Variants in CCDC158 observed in about 807,000 individuals in gnomAD.
CCDC158 encodes the protein coiled-coil domain-containing protein 158.
In CCDC158, 116 loss-of-function variants were observed where a neutral mutation model predicts 138.6. That is an observed-to-expected ratio of 0.84 (90% confidence interval 0.72 to 0.98). CCDC158 has a LOEUF of 0.98. Ranked by LOEUF, CCDC158 falls within the 50% of genes least tolerant of loss-of-function variation. The pLI, the probability that CCDC158 is intolerant of heterozygous loss-of-function variation, is 0.00. For synonymous variants in CCDC158, 436 were observed against 442.4 expected (o/e 0.99, Z 0.18); for missense variants, 1,265 against 1,306.1 (o/e 0.97, Z 0.48).
Position 76,333,995 on chromosome 4 carries a change from T to G in CCDC158, c.2822+15A>C, listed in dbSNP as rs1272952072. The G allele has an allele frequency of 5.8e-6, 9 of 1,554,490 alleles. No homozygotes were observed. The highest frequency in any genetic ancestry group is 4.1e-5 in the African/African-American group (3 of 73,610). ...AAGAGATGAGCTTTCCCATTCTGTG[T>G]GCACACAGCCTTACACAGCCACATA... On this transcript the variant is annotated intron_variant, in intron 19 of 24. Coordinates refer to ENST00000682701, the MANE Select transcript of CCDC158 (RefSeq NM_001394954.1).
chr4:76,380,514 T>C (rs906639007), intron 8 of CCDC158, among the ~76,000 whole-genome samples: 3 of 152,182 alleles, frequency 2.0e-5, no homozygotes, highest in African/African-American at 7.2e-5. Flanking sequence ...CAGCAAAGCA[T>C]TCAAGATGTC....
intron 12 of CCDC158, among the ~76,000 whole-genome samples, chr4:76,366,440 T>C (rs1724666572): frequency 6.6e-6 from 1 of 152,144 alleles, no homozygotes; most frequent in Admixed American, 6.5e-5. Flanking sequence ...AAGGTGACAT[T>C]AATCCTATGA....
At chr4:76,388,122 G>C (rs1373160203) in intron 4 of CCDC158, among the ~76,000 whole-genome samples, 1 of 152,170 alleles carries the variant, frequency 6.6e-6, no homozygotes, top group Non-Finnish European at 1.5e-5. Flanking sequence ...AGATGTGCTG[G>C]CTTCCGGGGT....
Position 76,421,028 on chromosome 4 carries a change from G to A in CCDC158, c.-180C>T, listed in dbSNP as rs1730080557. ...TCCGCGGGGCGCCGGCGGGCGCAGC[G>A]GCCCCACCTACGTCGACCTGGCGGC... On this transcript the variant is annotated 5_prime_UTR_variant, in exon 1 of 25. Coordinates refer to ENST00000682701, the MANE Select transcript of CCDC158 (RefSeq NM_001394954.1). Among the ~76,000 whole-genome samples, 1 of 151,946 alleles carries A rather than the reference G, an allele frequency of 6.6e-6. No homozygotes were observed. The highest frequency in any genetic ancestry group is 2.4e-5 in the African/African-American group (1 of 41,378).
chr4:76,355,836 TG>T (rs1173787671), intron 14 of CCDC158, among the ~76,000 whole-genome samples: 1 of 143,004 alleles, frequency 7.0e-6, no homozygotes. Context: ...TGTGTAGACA[TG>T]GGGGGTGTCA....
chr4:76,356,019 C>T (rs1269080795), intron 14 of CCDC158, among the ~76,000 whole-genome samples: 1 of 152,100 alleles, frequency 6.6e-6, no homozygotes, highest in Non-Finnish European at 1.5e-5. Flanking sequence ...ACTACCATCT[C>T]AGTAGCCAAA....
chr4:76,385,052 C>T (rs942279234), intron 4 of CCDC158, among the ~76,000 whole-genome samples: 2 of 152,112 alleles, frequency 1.3e-5, no homozygotes, highest in Admixed American at 1.3e-4. Flanking sequence ...CACCACCATC[C>T]AAAACTCCAG....
chr4:76,319,886 C>T (rs140111751), intron 24 of CCDC158, among the ~76,000 whole-genome samples: 23 of 152,140 alleles, frequency 1.5e-4, no homozygotes, highest in South Asian at 2.1e-4. Flanking sequence ...TTGTACAAAA[C>T]GAGGATGCCC....
chr4:76,355,242 A>G (rs1343465303), intron 15 of CCDC158, 82 bp downstream of exon 15: 6 of 870,700 alleles, frequency 6.9e-6, no homozygotes, highest in African/African-American at 1.7e-5. Flanking sequence ...TTGCACTTGC[A>G]TCTCTGCTTC....
intron 12 of CCDC158, 52 bp downstream of exon 12, chr4:76,367,242 C>G: frequency 1.3e-6 from 2 of 1,566,772 alleles, no homozygotes; most frequent in South Asian, 1.2e-5. Context: ...ACAGGTCATA[C>G]CTGCTAATAA....
In CCDC158 at chr4:76,400,393, G is replaced by A. The variant is rs569927710; in HGVS notation, c.70+2745C>T. Among the ~76,000 whole-genome samples the A allele has an allele frequency of 2.8e-4, 41 of 143,900 alleles. No individual in the cohort carries two copies. In the East Asian group the frequency reaches 7.6e-3, roughly 27 times the overall value. 94.4% of individuals were successfully genotyped at this position (143,900 alleles called of 152,430 possible). A position where few individuals can be genotyped will look rare whatever the true frequency, so the allele number is the denominator to read the frequency against. On this transcript the variant is annotated intron_variant, in intron 3 of 24. Coordinates refer to ENST00000682701, the MANE Select transcript of CCDC158 (RefSeq NM_001394954.1). ...CACAGGGTGGGGAACATCACATACC[G>A]GGGCCTGTTGTGGGGTGGGGGGAGG...
chr4:76,383,868 C>G (rs1305796163), intron 6 of CCDC158, 130 bp from the exon 7 acceptor site: 2 of 726,320 alleles, frequency 2.8e-6, no homozygotes, highest in Non-Finnish European at 4.6e-6. Context: ...CATTCTATCC[C>G]CATATTTTAT....
At chr4:76,335,592 T>C (rs1467858793) in intron 18 of CCDC158, among the ~76,000 whole-genome samples, 1 of 152,120 alleles carries the variant, frequency 6.6e-6, no homozygotes, top group East Asian at 1.9e-4. Flanking sequence ...TTTTGTTTTG[T>C]TTTTTGAGAC....
At chr4:76,334,330 C>T (rs1399554895) in intron 18 of CCDC158, among the ~76,000 whole-genome samples, 163 bp from the exon 19 acceptor site, 1 of 151,944 alleles carries the variant, frequency 6.6e-6, no homozygotes, top group Non-Finnish European at 1.5e-5. Flanking sequence ...CAATAATAAC[C>T]AGGAAATAAT....
At chr4:76,337,292 TTTA>T (rs1405386199) in intron 18 of CCDC158, among the ~76,000 whole-genome samples, 2 of 152,152 alleles carry the variant, frequency 1.3e-5, no homozygotes, top group Non-Finnish European at 2.9e-5. Context: ...CGATTTAAAT[TTTA>T]TTTAGTCAAA....
intron 22 of CCDC158, 96 bp from the exon 23 acceptor site, chr4:76,326,111 C>T (rs1720510102): frequency 2.0e-6 from 2 of 1,003,230 alleles, no homozygotes; most frequent in African/African-American, 3.3e-5. Flanking sequence ...GAAAATGTTC[C>T]CAATGGTGGA....
At chr4:76,411,293 G>A (rs560169713) in intron 2 of CCDC158, among the ~76,000 whole-genome samples, 10 of 152,050 alleles carry the variant, frequency 6.6e-5, no homozygotes, top group Middle Eastern at 3.4e-3. Flanking sequence ...TCCCAGCTAC[G>A]TGGAAGGGTG....
intron 4 of CCDC158, among the ~76,000 whole-genome samples, chr4:76,390,044 A>G (rs1045174637): frequency 7.9e-5 from 12 of 152,200 alleles, no homozygotes; most frequent in South Asian, 2.1e-4. Flanking sequence ...CTCATTGGTA[A>G]TAGTAAGCAC....
intron 20 of CCDC158, 122 bp downstream of exon 20, chr4:76,332,310 C>T (rs10518146): frequency 0.014 from 9,772 of 708,360 alleles, 79 homozygotes; most frequent in Non-Finnish European, 0.016. Context: ...AGTTAAACAA[C>T]GAACCCAATA....
Sources: gnomAD v4.1 joint callset for allele counts (sites outside exome capture counted in the v4.1 genomes callset) on GRCh38, gnomAD v4.1.1 for gene constraint, MANE v1.5 for transcripts, NCBI Gene and HGNC (gene_info 2026-07-23, HGNC 2026-07-21) for gene names.